The following RBFOX1 variants were observed in gnomAD, a reference collection of about 807,000 sequenced individuals.
RBFOX1 encodes RNA binding protein fox-1 homolog 1.
A neutral mutation model predicts 57.7 loss-of-function variants in RBFOX1; 8 were observed. The observed-to-expected ratio is 0.14, with a 90% CI of 0.08 to 0.25. The LOEUF (loss-of-function observed/expected upper bound fraction) is 0.25, where lower values mean the gene tolerates loss of function less well. Among genes scored for constraint, RBFOX1 ranks in the 10% least tolerant of loss-of-function variants. RBFOX1 has a pLI of 1.00. For missense variants in RBFOX1, 611 were observed against 548.5 expected, an observed-to-expected ratio of 1.11 and a Z score of -1.14; for synonymous variants, 326 against 222.4, an observed-to-expected ratio of 1.47 and a Z score of -4.15.
intron 3 of RBFOX1, among the ~76,000 whole-genome samples, chr16:6,796,135 G>A (rs567994585): frequency 6.6e-6 from 1 of 152,136 alleles, no homozygotes; most frequent in Non-Finnish European, 1.5e-5. Flanking sequence ...GAAGGTGAAA[G>A]GTATGTCTCA....
chr16:7,121,374 C>G (rs1415237773), intron 4 of RBFOX1, among the ~76,000 whole-genome samples: 1 of 152,022 alleles, frequency 6.6e-6, no homozygotes, highest in Admixed American at 6.6e-5. Flanking sequence ...CCAAGGAACT[C>G]TAAAACCTCT....
chr16:6,818,650 A>G (rs2090645083), intron 3 of RBFOX1, among the ~76,000 whole-genome samples: 1 of 152,048 alleles, frequency 6.6e-6, no homozygotes, highest in Admixed American at 6.6e-5. Context: ...GCTATTATTC[A>G]TTTTTCCCCC....
At chr16:5,845,002 T>A (rs2056716893) in intron 3 of RBFOX1, among the ~76,000 whole-genome samples, 1 of 152,128 alleles carries the variant, frequency 6.6e-6, no homozygotes, top group Non-Finnish European at 1.5e-5. Context: ...AGCCCAGCAC[T>A]TGGTTTGTAA....
chr16:5,435,342 T>G (rs1473530228), intron 1 of RBFOX1, among the ~76,000 whole-genome samples: 1 of 152,136 alleles, frequency 6.6e-6, no homozygotes, highest in Non-Finnish European at 1.5e-5. Context: ...GGAGGGATGT[T>G]TGTGGGGTGT....
chr16:7,241,309 G>A (rs73544852), intron 4 of RBFOX1, among the ~76,000 whole-genome samples: 1,635 of 152,188 alleles, frequency 0.011, 37 homozygotes, highest in African/African-American at 0.038. Context: ...TGAGTAATGG[G>A]TGTGGCCCAA....
At chr16:5,517,272 G>T (rs906817517) in intron 2 of RBFOX1, among the ~76,000 whole-genome samples, 1 of 151,960 alleles carries the variant, frequency 6.6e-6, no homozygotes, top group East Asian at 1.9e-4. Flanking sequence ...GCAGAATTGC[G>T]CAGAATTGTT....
At chr16:6,235,572 G>C (rs950956506) in intron 1 of RBFOX1, among the ~76,000 whole-genome samples, 1 of 151,218 alleles carries the variant, frequency 6.6e-6, no homozygotes, top group Non-Finnish European at 1.5e-5. Flanking sequence ...GTGTGTGTGT[G>C]TGTGTGTGTG....
chr16:7,454,923 G>T (rs2058189163), intron 4 of RBFOX1, among the ~76,000 whole-genome samples: 1 of 152,096 alleles, frequency 6.6e-6, no homozygotes, highest in Non-Finnish European at 1.5e-5. Context: ...TATTTGGCCA[G>T]CCCTGGGCCA....
At chr16:6,316,888 A>G (rs1307429922) in intron 1 of RBFOX1, 107 bp from the exon 2 acceptor site, 1 of 771,774 alleles carries the variant, frequency 1.3e-6, no homozygotes, top group East Asian at 2.7e-5. Flanking sequence ...CAATATAGTC[A>G]GAACCTATTT....
chr16:5,506,686 A>C (rs1030088676), intron 2 of RBFOX1, among the ~76,000 whole-genome samples: 2 of 151,874 alleles, frequency 1.3e-5, no homozygotes, highest in African/African-American at 2.4e-5. Context: ...CGCCACAGAG[A>C]AGGGAGTGAG....
chr16:6,533,254 C>A (rs142771203), intron 2 of RBFOX1, among the ~76,000 whole-genome samples: 1 of 152,308 alleles, frequency 6.6e-6, no homozygotes, highest in Non-Finnish European at 1.5e-5. Context: ...GAGAACTTTT[C>A]TAAGTAACCT....
rs2066429835 is a variant in RBFOX1 at position 5,392,175 on chromosome 16, G to A, written c.220-75041G>A. Among the ~76,000 whole-genome samples, 2 of 151,958 alleles carry A rather than the reference G, an allele frequency of 1.3e-5. 1 individual carries two copies. The highest frequency in any genetic ancestry group is 4.2e-4 in the South Asian group (2 of 4,818). ...TGAGGGATAAAAGACTACAAATTGG[G>A]TTCATTATGTACTGCTTGGGTGATG... On this transcript the variant is annotated intron_variant, in intron 1 of 2. Coordinates refer to the RBFOX1 transcript ENST00000585867.
At chr16:5,519,018 G>T (rs958884241) in intron 2 of RBFOX1, among the ~76,000 whole-genome samples, 1 of 152,188 alleles carries the variant, frequency 6.6e-6, no homozygotes, top group African/African-American at 2.4e-5. Context: ...AAGAGGAGAT[G>T]AGAACACGAA....
chr16:6,784,032 T>C (rs1173503964), intron 3 of RBFOX1, among the ~76,000 whole-genome samples: 1 of 152,158 alleles, frequency 6.6e-6, no homozygotes, highest in Non-Finnish European at 1.5e-5. Context: ...CTTTATATTT[T>C]CTTTGCTTAT....
intron 2 of RBFOX1, among the ~76,000 whole-genome samples, chr16:5,531,370 C>G (rs2044471525): frequency 6.6e-6 from 1 of 152,090 alleles, no homozygotes; most frequent in South Asian, 2.1e-4. Flanking sequence ...TACCGTTTGT[C>G]CATGTTGTTA....
At chr16:6,163,666 C>G (rs915896001) in intron 1 of RBFOX1, among the ~76,000 whole-genome samples, 3 of 152,142 alleles carry the variant, frequency 2.0e-5, no homozygotes, top group East Asian at 3.8e-4. Context: ...GTTATTTGTT[C>G]TTTCCAAAAT....
intron 3 of RBFOX1, among the ~76,000 whole-genome samples, chr16:6,939,389 G>A (rs1365894770): frequency 6.6e-6 from 1 of 151,710 alleles, no homozygotes; most frequent in Non-Finnish European, 1.5e-5. Flanking sequence ...GTGTATGTGT[G>A]TGTGTGTGTG....
At chr16:6,598,429 G>C (rs2097801003) in intron 2 of RBFOX1, among the ~76,000 whole-genome samples, 1 of 152,148 alleles carries the variant, frequency 6.6e-6, no homozygotes, top group South Asian at 2.1e-4. Flanking sequence ...TGTAACCAGT[G>C]TTATAAAACT....
chr16:7,358,160 G>A (rs779990172), intron 4 of RBFOX1, among the ~76,000 whole-genome samples: 4 of 152,190 alleles, frequency 2.6e-5, no homozygotes, highest in Non-Finnish European at 5.9e-5. Context: ...TTGTGTATCT[G>A]TTATCATCCT....
Sources: gnomAD v4.1 joint callset for allele counts (sites outside exome capture counted in the v4.1 genomes callset) on GRCh38, gnomAD v4.1.1 for gene constraint, MANE v1.5 for transcripts, NCBI Gene and HGNC (gene_info 2026-07-23, HGNC 2026-07-21) for gene names.